TRMT9B: variants seen among roughly 807,000 people sequenced by gnomAD.
TRMT9B encodes tRNA methyltransferase 9B (putative).
A neutral mutation model predicts 11.5 loss-of-function variants in TRMT9B; 16 were observed. The observed-to-expected ratio is 1.39, with a 90% CI of 0.94 to 2.11. TRMT9B has a LOEUF of 2.11. Ranked by LOEUF, TRMT9B falls within the 30% of genes most tolerant of loss-of-function variation. The pLI, the probability that TRMT9B is intolerant of heterozygous loss-of-function variation, is 0.00. For missense variants in TRMT9B, 941 were observed against 553.8 expected, an observed-to-expected ratio of 1.70 and a Z score of -7.02; for synonymous variants, 274 against 192.4, an observed-to-expected ratio of 1.42 and a Z score of -3.51.
chr8:12,968,246 A>G (rs1803096853), intron 1 of TRMT9B, among the ~76,000 whole-genome samples: 1 of 152,198 alleles, frequency 6.6e-6, no homozygotes, highest in Non-Finnish European at 1.5e-5. Flanking sequence ...AAGGGACTAT[A>G]AAGTTCTACA....
At chr8:12,960,743 G>T (rs968196418) in intron 1 of TRMT9B, among the ~76,000 whole-genome samples, 1 of 152,214 alleles carries the variant, frequency 6.6e-6, no homozygotes, top group Non-Finnish European at 1.5e-5. Context: ...CCAGCTAATT[G>T]ACATATGCAA....
intron 2 of TRMT9B, among the ~76,000 whole-genome samples, chr8:12,997,311 C>A (rs191093966): frequency 1.3e-5 from 2 of 151,968 alleles, no homozygotes; most frequent in South Asian, 2.1e-4. Flanking sequence ...TTTAAAGGAG[C>A]CTGGCATCTC....
intron 1 of TRMT9B, among the ~76,000 whole-genome samples, chr8:12,976,585 C>G (rs1007037298): frequency 6.6e-6 from 1 of 150,974 alleles, no homozygotes; most frequent in East Asian, 1.9e-4. Context: ...ACTAAAAATA[C>G]AAAAAATAAA....
chr8:12,994,973 C>T (rs1159296432), intron 2 of TRMT9B, among the ~76,000 whole-genome samples: 6 of 152,202 alleles, frequency 3.9e-5, no homozygotes, highest in African/African-American at 1.2e-4. Flanking sequence ...TGAGCCCCCG[C>T]GCCTGGCTGA....
chr8:13,004,210 A>G (rs1222951320), intron 2 of TRMT9B, among the ~76,000 whole-genome samples: 1 of 151,880 alleles, frequency 6.6e-6, no homozygotes, highest in Non-Finnish European at 1.5e-5. Context: ...GGGGTACTAA[A>G]TACACTTGAA....
chr8:13,026,825 C>T lies in TRMT9B; in HGVS notation c.*4781C>T, dbSNP rs74835540. 3,629 of 167,120 alleles carry T rather than the reference C, an allele frequency of 0.022. 75 individuals carry two copies. The highest frequency in any genetic ancestry group is 0.025 in the Non-Finnish European group (1,679 of 68,086). The allele number at this position is 167,120 out of a possible 1,614,324, so 10.4% of individuals were successfully genotyped here. On this transcript the variant is annotated 3_prime_UTR_variant, in exon 5 of 5. Transcript: ENST00000524591. ...CCCTGGGCCCAGCTCATGTGCTTGG[C>T]GGAGTATTAGAGCCTTTCAAGGTAA...
chr8:13,021,535 C>A lies in TRMT9B; in HGVS notation c.856C>A (p.Pro286Thr), dbSNP rs1384843218. 5.0e-6 allele frequency: 8 copies of A among 1,613,792 alleles called. No homozygotes were observed. The South Asian group carries it at 6.6e-5, about 13-fold the overall frequency. Residue 286 changes from proline to threonine, a missense_variant, in exon 5 of 5, where the codon CCT becomes ACT. Coordinates refer to ENST00000524591, the MANE Select transcript of TRMT9B (RefSeq NM_020844.3). ...VWASSTVTVQPSRHSSLDFDH... is the reference protein window; with the variant it reads ...VWASSTVTVQTSRHSSLDFDH... ...GGCCAGTAGCACTGTAACAGTCCAG[C>A]CTTCCAGACACTCTAGTTTAGACTT...
rs773574296 is a variant in TRMT9B at position 13,021,513 on chromosome 8, C to T, written c.834C>T (p.Ala278=). Residue 278 remains alanine (A), a synonymous_variant, in exon 5 of 5, where the codon GCC becomes GCT. Transcript: ENST00000524591. The part of the protein sequence containing the change: ...VRPLKNTEVW[A]SSTVTVQPSR... ...CCTTGAAAAACACAGAAGTTTGGGC[C>T]AGTAGCACTGTAACAGTCCAGCCTT... is the stretch of plus-strand genomic sequence containing the variant. 3 of 1,613,672 alleles carry T rather than the reference C, an allele frequency of 1.9e-6. No individual in the cohort carries two copies. Among genetic ancestry groups the T allele is most frequent in the Admixed American group, 3.3e-5 (2 of 60,008 alleles).
intron 3 of TRMT9B, 194 bp from the exon 4 acceptor site, chr8:13,012,490 G>T: frequency 1.5e-6 from 1 of 667,894 alleles, no homozygotes; most frequent in Non-Finnish European, 2.2e-6. Context: ...CAAGAGAATT[G>T]CTTGAACCCG....
intron 1 of TRMT9B, among the ~76,000 whole-genome samples, chr8:12,971,808 G>A (rs1397888767): frequency 1.3e-5 from 2 of 152,084 alleles, no homozygotes; most frequent in Non-Finnish European, 2.9e-5. Context: ...GACCAAAATT[G>A]CTTTTTTAGT....
Position 12,945,732 on chromosome 8 carries a change from T to C in TRMT9B, c.-434T>C, listed in dbSNP as rs576208790. ...TGTATATGTCAGAAGTAGATGCACA[T>C]GTTCTTTTGGCTTTTTTTCTTTGTT... On this transcript the variant is annotated 5_prime_UTR_variant, in exon 1 of 5. An upstream start codon of the reference 5' UTR is lost. Transcript: ENST00000524591. 3.3e-5 allele frequency: 5 copies of C among 152,360 alleles called. No individual in the cohort carries two copies. The highest frequency in any genetic ancestry group is 6.5e-5 in the Admixed American group (1 of 15,298). The allele number at this position is 152,360 out of a possible 1,614,324, so 9.4% of individuals were successfully genotyped here. A position where few individuals can be genotyped will look rare whatever the true frequency, so the allele number is the denominator to read the frequency against.
chr8:12,965,869 C>G (rs1420719475), intron 1 of TRMT9B, among the ~76,000 whole-genome samples: 1 of 150,816 alleles, frequency 6.6e-6, no homozygotes, highest in Non-Finnish European at 1.5e-5. Flanking sequence ...AAAAATCAGC[C>G]GGGTGTGGTG....
chr8:13,008,811 C>T (rs1241214989), intron 3 of TRMT9B, among the ~76,000 whole-genome samples: 1 of 152,186 alleles, frequency 6.6e-6, no homozygotes, highest in Admixed American at 6.5e-5. Context: ...TCACTGCAAG[C>T]TCCGCCTCCC....
chr8:12,950,523 C>A (rs1178157110), intron 1 of TRMT9B, among the ~76,000 whole-genome samples: 3 of 135,816 alleles, frequency 2.2e-5, no homozygotes, highest in Non-Finnish European at 5.2e-5. Flanking sequence ...ATACGTAAAA[C>A]CAGACTCGTG....
At position 13,027,368 on chromosome 8, in the gene TRMT9B, G is replaced by A. The variant is rs1814812914; in HGVS notation, c.*5324G>A. 8 of 166,988 alleles carry A rather than the reference G, an allele frequency of 4.8e-5. No individual in the cohort carries two copies. The highest frequency in any genetic ancestry group is 3.9e-4 in the Admixed American group (6 of 15,274). The allele number at this position is 166,988 out of a possible 1,614,324, so 10.3% of individuals were successfully genotyped here. ...CCTTAGAGAATCATGATGCATATTA[G>A]CATATTTAAGGAGTACCCTAAAGCT... On this transcript the variant is annotated 3_prime_UTR_variant, in exon 5 of 5. Coordinates refer to ENST00000524591, the MANE Select transcript of TRMT9B (RefSeq NM_020844.3).
Position 12,969,538 on chromosome 8 carries a change from T to C in TRMT9B, c.-199-21296T>C, listed in dbSNP as rs1803292162. Among the ~76,000 whole-genome samples the C allele has an allele frequency of 2.0e-5, 3 of 152,240 alleles. 1 individual carries two copies. The South Asian group carries it at 6.2e-4, about 32-fold the overall frequency. On this transcript the variant is annotated intron_variant, in intron 1 of 4. Coordinates refer to ENST00000524591, the MANE Select transcript of TRMT9B (RefSeq NM_020844.3). ...CATTCTCCCATTATTTTAAATCATCTCTAGATTACTTGCAATAACCTAATA... is the reference window on the plus strand; with the variant it reads ...CATTCTCCCATTATTTTAAATCATCCCTAGATTACTTGCAATAACCTAATA...
At chr8:12,966,561 T>C (rs1390348566) in intron 1 of TRMT9B, among the ~76,000 whole-genome samples, 2 of 152,242 alleles carry the variant, frequency 1.3e-5, no homozygotes, top group African/African-American at 4.8e-5. Flanking sequence ...AAGATTTCCA[T>C]GATAATACAG....
chr8:13,005,862 A>C (rs867912097), intron 2 of TRMT9B, among the ~76,000 whole-genome samples: 1 of 152,358 alleles, frequency 6.6e-6, no homozygotes, highest in African/African-American at 2.4e-5. Flanking sequence ...TTAGCATCAG[A>C]TACAATGGTC....
intron 3 of TRMT9B, chr8:13,010,561 T>A (rs771679385): frequency 1.0e-6 from 1 of 983,108 alleles, no homozygotes; most frequent in Non-Finnish European, 1.2e-6. Flanking sequence ...TAGAAATGAA[T>A]AGGGGCAAAT....
Sources: gnomAD v4.1 joint callset for allele counts (sites outside exome capture counted in the v4.1 genomes callset) on GRCh38, gnomAD v4.1.1 for gene constraint, MANE v1.5 for transcripts, NCBI Gene and HGNC (gene_info 2026-07-23, HGNC 2026-07-21) for gene names.